Variants in GALNTL6 observed in about 807,000 individuals in gnomAD.
The protein encoded by GALNTL6 is polypeptide N-acetylgalactosaminyltransferase-like 6.
Under a neutral mutation model 73.7 loss-of-function variants are expected in GALNTL6, and 46 were observed. The observed-to-expected ratio is 0.62, with a 90% CI of 0.49 to 0.80. The LOEUF is 0.80. Among genes scored for constraint, GALNTL6 ranks in the 30% least tolerant of loss-of-function variants. The pLI, the probability that GALNTL6 is intolerant of heterozygous loss-of-function variation, is 0.00. For missense variants in GALNTL6, 604 were observed against 755.0 expected (o/e 0.80, Z 2.34); for synonymous variants, 259 against 263.7 (o/e 0.98, Z 0.17).
chr4:171,928,563 T>G (rs574123907), intron 2 of GALNTL6, among the ~76,000 whole-genome samples: 1 of 152,332 alleles, frequency 6.6e-6, no homozygotes, highest in East Asian at 1.9e-4. Flanking sequence ...CTTTCCCATA[T>G]CCTGTTAACT....
intron 5 of GALNTL6, chr4:172,380,298 T>C (rs1743232072): frequency 1.3e-6 from 1 of 749,090 alleles, no homozygotes; most frequent in African/African-American, 1.7e-5. Context: ...GGGGCTGCCA[T>C]TGGGTATTCT....
rs375112381 is a variant in GALNTL6, at chr4:171,988,463, G to A, written c.138+173745G>A. On this transcript the variant is annotated intron_variant, in intron 2 of 12. Coordinates refer to ENST00000506823, the MANE Select transcript of GALNTL6 (RefSeq NM_001034845.3). ...TGTCAGGGTCAGTCTAAGTGAAAGC[G>A]AAGAGAGGCTGGGATGAAGGGTGCA... Among the ~76,000 whole-genome samples, 43 of 152,252 alleles carry A rather than the reference G, an allele frequency of 2.8e-4. No individual in the cohort carries two copies. The East Asian group carries it at 4.8e-3, about 17-fold the overall frequency.
Position 172,983,238 on chromosome 4 carries a change from C to T in GALNTL6, c.1372-25940C>T, listed in dbSNP as rs1029578984. 3.3e-5 allele frequency among the ~76,000 whole-genome samples: 5 copies of T among 152,258 alleles called. No individual in the cohort carries two copies. The East Asian group carries it at 5.8e-4, about 18-fold the overall frequency. On this transcript the variant is annotated intron_variant, in intron 10 of 12. Coordinates refer to ENST00000506823, the MANE Select transcript of GALNTL6 (RefSeq NM_001034845.3). ...GCTGGCAGCCACCAGAGGCAAAGAACGTAATCTCCCCTAGAGCTTCTGGAG... is the reference window on the plus strand; with the variant it reads ...GCTGGCAGCCACCAGAGGCAAAGAATGTAATCTCCCCTAGAGCTTCTGGAG...
chr4:172,657,165 C>G (rs186870861), intron 5 of GALNTL6, among the ~76,000 whole-genome samples: 1 of 152,298 alleles, frequency 6.6e-6, no homozygotes, highest in East Asian at 1.9e-4. Flanking sequence ...AATAGTCTTT[C>G]TCTTTTCTCT....
chr4:172,045,956 T>C (rs1397952995), intron 2 of GALNTL6, among the ~76,000 whole-genome samples: 2 of 152,092 alleles, frequency 1.3e-5, no homozygotes, highest in Non-Finnish European at 2.9e-5. Flanking sequence ...CTGTCTGTCT[T>C]ATTGTGCCAG....
At chr4:172,570,738 T>C (rs955502256) in intron 5 of GALNTL6, among the ~76,000 whole-genome samples, 1 of 152,202 alleles carries the variant, frequency 6.6e-6, no homozygotes, top group East Asian at 1.9e-4. Context: ...TTGTGCACTT[T>C]ATTTCTATTA....
chr4:172,469,183 A>G (rs979571070), intron 5 of GALNTL6, among the ~76,000 whole-genome samples: 2 of 152,192 alleles, frequency 1.3e-5, no homozygotes, highest in Admixed American at 6.5e-5. Flanking sequence ...TGGTTACACA[A>G]TTGGACTCAT....
intron 7 of GALNTL6, among the ~76,000 whole-genome samples, chr4:172,827,878 T>G (rs1301918202): frequency 6.6e-6 from 1 of 152,110 alleles, no homozygotes; most frequent in Non-Finnish European, 1.5e-5. Context: ...TTTTTTTCAC[T>G]GCATTCTTTA....
At chr4:172,470,358 GA>G (rs1733000515) in intron 5 of GALNTL6, among the ~76,000 whole-genome samples, 1 of 152,142 alleles carries the variant, frequency 6.6e-6, no homozygotes, top group Non-Finnish European at 1.5e-5. Flanking sequence ...AATAGGTAGT[GA>G]ATAATTAACT....
rs369111601 is a variant in GALNTL6, at chr4:172,620,260, G to A, written c.554-189101G>A. The stretch of plus-strand genomic sequence containing the variant: ...GTAGTCTGGTTTGTTATTTTTTACC[G>A]TGCAGAATTATTCATGAACGTGAAT... On this transcript the variant is annotated intron_variant, in intron 5 of 12. Transcript: ENST00000506823. Among the ~76,000 whole-genome samples the A allele has an allele frequency of 1.4e-4, 21 of 151,970 alleles. 1 individual carries two copies. Among genetic ancestry groups the A allele is most frequent in the East Asian group, 1.2e-3 (6 of 5,160 alleles).
At chr4:172,415,549 G>A (rs1258695949) in intron 5 of GALNTL6, among the ~76,000 whole-genome samples, 1 of 152,064 alleles carries the variant, frequency 6.6e-6, no homozygotes, top group African/African-American at 2.4e-5. Context: ...GAAGAAAAAC[G>A]ACACTCACTG....
At chr4:172,011,949 C>A (rs1741021963) in intron 2 of GALNTL6, among the ~76,000 whole-genome samples, 1 of 151,958 alleles carries the variant, frequency 6.6e-6, no homozygotes, top group African/African-American at 2.4e-5. Flanking sequence ...TAATGGTGAA[C>A]TAAGACCTTG....
At chr4:171,918,766 A>T (rs954677411) in intron 2 of GALNTL6, among the ~76,000 whole-genome samples, 5 of 152,164 alleles carry the variant, frequency 3.3e-5, no homozygotes, top group African/African-American at 1.2e-4. Flanking sequence ...CAGAGGAATA[A>T]AGAAAATATG....
intron 2 of GALNTL6, among the ~76,000 whole-genome samples, chr4:172,069,582 A>ATG (rs1451907472): frequency 0.018 from 382 of 21,004 alleles, 119 homozygotes; most frequent in South Asian, 0.074. Context: ...TATGTTATAT[A>ATG]TTATATATAT....
At chr4:172,136,588 C>A (rs749493136) in intron 2 of GALNTL6, among the ~76,000 whole-genome samples, 6 of 151,904 alleles carry the variant, frequency 3.9e-5, no homozygotes, top group Admixed American at 2.6e-4. Flanking sequence ...CCCCACGTTG[C>A]AGCTTGATGG....
intron 2 of GALNTL6, among the ~76,000 whole-genome samples, chr4:172,012,907 A>T (rs1741064541): frequency 6.6e-6 from 1 of 152,040 alleles, no homozygotes; most frequent in Admixed American, 6.6e-5. Flanking sequence ...TACAAAGGAC[A>T]TCTCCCTCAC....
At chr4:172,455,509 G>A (rs1282372338) in intron 5 of GALNTL6, among the ~76,000 whole-genome samples, 1 of 152,148 alleles carries the variant, frequency 6.6e-6, no homozygotes, top group Non-Finnish European at 1.5e-5. Context: ...TGGGACACTC[G>A]AGCTTGGGTC....
At chr4:172,669,164 T>C (rs1371724642) in intron 5 of GALNTL6, 1 of 152,200 alleles carries the variant, frequency 6.6e-6, no homozygotes, top group Non-Finnish European at 1.5e-5. Flanking sequence ...TTGTGTGTAA[T>C]AGTTGTGTTT....
At chr4:172,145,941 G>C (rs539978510) in intron 2 of GALNTL6, among the ~76,000 whole-genome samples, 1 of 152,130 alleles carries the variant, frequency 6.6e-6, no homozygotes, top group Non-Finnish European at 1.5e-5. Flanking sequence ...AACAAAGAGA[G>C]GCAATTTTGG....
Sources: gnomAD v4.1 joint callset for allele counts (sites outside exome capture counted in the v4.1 genomes callset) on GRCh38, gnomAD v4.1.1 for gene constraint, MANE v1.5 for transcripts, NCBI Gene and HGNC (gene_info 2026-07-23, HGNC 2026-07-21) for gene names.